CPSF6: variants seen among roughly 807,000 people sequenced by gnomAD.
CPSF6 encodes cleavage and polyadenylation specific factor 6.
CPSF6 carries 10 observed loss-of-function variants against 56.7 expected under a neutral mutation model. That is an observed-to-expected ratio of 0.18 (90% CI 0.11 to 0.30). The LOEUF is 0.30. CPSF6 is among the 10% of genes least tolerant of loss of function. The probability of loss-of-function intolerance (pLI) is 1.00; values close to 1 mark genes in which losing one functional copy is unlikely to be tolerated. For missense variants in CPSF6, 419 were observed against 722.9 expected, an observed-to-expected ratio of 0.58 and a Z score of 4.82; for synonymous variants, 248 against 244.8, an observed-to-expected ratio of 1.01 and a Z score of -0.12.
At chr12:69,249,142 C>T (rs1297277045) in intron 1 of CPSF6, among the ~76,000 whole-genome samples, 1 of 22,420 alleles carries the variant, frequency 4.5e-5, no homozygotes, top group Non-Finnish European at 9.3e-5. Flanking sequence ...CGCCTGTAGT[C>T]CCAGCTACTC....
At chr12:69,266,957 T>G (rs950848170) in intron 9 of CPSF6, among the ~76,000 whole-genome samples, 1 of 152,118 alleles carries the variant, frequency 6.6e-6, no homozygotes, top group Non-Finnish European at 1.5e-5. Context: ...ATTGTTTTTA[T>G]GTAATATGTT....
chr12:69,241,959 G>C (rs1183470892), intron 1 of CPSF6, among the ~76,000 whole-genome samples: 1 of 151,036 alleles, frequency 6.6e-6, no homozygotes, highest in Non-Finnish European at 1.5e-5. Flanking sequence ...AGGATAGTTG[G>C]TTATTTTCAG....
intron 1 of CPSF6, among the ~76,000 whole-genome samples, chr12:69,245,906 C>T (rs761447782): frequency 2.6e-5 from 4 of 152,022 alleles, no homozygotes; most frequent in African/African-American, 4.8e-5. Flanking sequence ...GCCAACATGG[C>T]GAAACCCCTG....
intron 1 of CPSF6, among the ~76,000 whole-genome samples, chr12:69,240,206 T>G (rs1422249191): frequency 1.3e-5 from 2 of 152,230 alleles, no homozygotes; most frequent in Admixed American, 6.5e-5. Flanking sequence ...TTTGTCTCCC[T>G]GCCCGCGCAC....
chr12:69,266,027 G>GGA (rs1872964941), intron 9 of CPSF6, among the ~76,000 whole-genome samples: 1 of 132,762 alleles, frequency 7.5e-6, no homozygotes, highest in African/African-American at 2.7e-5. Context: ...TGTTAATTTT[G>GGA]AAAAAAAAAA....
Position 69,257,904 on chromosome 12 carries a change from A to G in CPSF6, c.693A>G (p.Pro231=), listed in dbSNP as rs1872578942. ...AGPGGPPPPF[P]AGQTPPRPPL... Reference sequence around the variant, plus strand: ...CAGGAGGGCCACCCCCACCTTTTCCAGGTAAAACTTTTCTTAAATTACCAT... The same window carrying G: ...CAGGAGGGCCACCCCCACCTTTTCCGGGTAAAACTTTTCTTAAATTACCAT... The change falls in exon 5 of 10, where the codon CCA becomes CCG. Residue 231 remains proline (P), a splice_region_variant and synonymous_variant. Transcript: ENST00000435070. The G allele has an allele frequency of 6.3e-7, 1 of 1,592,056 alleles. No individual in the cohort carries two copies. Among genetic ancestry groups the G allele is most frequent in the Non-Finnish European group, 8.5e-7 (1 of 1,171,944 alleles).
rs994372418 is a variant in CPSF6 at position 69,272,362 on chromosome 12, G to C, written c.*2854G>C. 1.3e-5 allele frequency: 2 copies of C among 151,442 alleles called. No homozygotes were observed. The highest frequency in any genetic ancestry group is 4.8e-5 in the African/African-American group (2 of 41,318). The allele number at this position is 151,442 out of a possible 1,614,324, so 9.4% of individuals were successfully genotyped here. On this transcript the variant is annotated 3_prime_UTR_variant, in exon 10 of 10. Transcript: ENST00000435070. ...TTGCTTTATTTTTTACTAGTTTCAGGTCAGTTATTAAAATAAACATGGAGG... is the reference window on the plus strand; with the variant it reads ...TTGCTTTATTTTTTACTAGTTTCAGCTCAGTTATTAAAATAAACATGGAGG...
intron 9 of CPSF6, among the ~76,000 whole-genome samples, chr12:69,264,966 A>G (rs1036821285): frequency 2.0e-5 from 3 of 152,210 alleles, no homozygotes; most frequent in African/African-American, 7.2e-5. Flanking sequence ...CTGTATACAA[A>G]TAAAATACTA....
chr12:69,251,046 A>G, intron 1 of CPSF6, 83 bp from the exon 2 acceptor site: 2 of 1,371,974 alleles, frequency 1.5e-6, no homozygotes, highest in Non-Finnish European at 2.0e-6. Flanking sequence ...GATTTTTAAA[A>G]CAAAAAGTTG....
chr12:69,239,863 G>A (rs1258638884), intron 1 of CPSF6, among the ~76,000 whole-genome samples, 157 bp downstream of exon 1: 1 of 148,646 alleles, frequency 6.7e-6, no homozygotes, highest in East Asian at 2.0e-4. Flanking sequence ...GCGCCCCCCC[G>A]CCCCTCGTTC....
In CPSF6 at chr12:69,274,086, A is replaced by G. The variant is rs1873388294; in HGVS notation, c.*4578A>G. 6.7e-6 allele frequency: 1 copy of G among 149,092 alleles called. No individual in the cohort carries two copies. The highest frequency in any genetic ancestry group is 1.5e-5 in the Non-Finnish European group (1 of 67,388). The allele number at this position is 149,092 out of a possible 1,614,324, so 9.2% of individuals were successfully genotyped here. A position where few individuals can be genotyped will look rare whatever the true frequency, so the allele number is the denominator to read the frequency against. On this transcript the variant is annotated 3_prime_UTR_variant, in exon 10 of 10. Coordinates refer to ENST00000435070, the MANE Select transcript of CPSF6 (RefSeq NM_007007.3). ...CAATAAGATTTCTGTGCAAAAAGGT[A>G]AGGTGATAATTGATCTAATAGACTT...
At chr12:69,266,953 T>C (rs1026459401) in intron 9 of CPSF6, among the ~76,000 whole-genome samples, 7 of 152,100 alleles carry the variant, frequency 4.6e-5, no homozygotes, top group African/African-American at 1.7e-4. Flanking sequence ...TAGAATTGTT[T>C]TTATGTAATA....
chr12:69,271,899 C>T lies in CPSF6; in HGVS notation c.*2391C>T, dbSNP rs183694183. 1 of 151,786 alleles carries T rather than the reference C, an allele frequency of 6.6e-6. No homozygotes were observed. Among genetic ancestry groups the T allele is most frequent in the East Asian group, 1.9e-4 (1 of 5,190 alleles). The allele number at this position is 151,786 out of a possible 1,614,324, so 9.4% of individuals were successfully genotyped here. On this transcript the variant is annotated 3_prime_UTR_variant, in exon 10 of 10. Coordinates refer to ENST00000435070, the MANE Select transcript of CPSF6 (RefSeq NM_007007.3). ...CTTGCATAGACACCAAAAACAGTGT[C>T]TCAGAGACCTTTTCATTTTTTCCTT... is the stretch of plus-strand genomic sequence containing the variant.
chr12:69,252,148 C>T (rs1379885952), intron 2 of CPSF6: 2 of 451,874 alleles, frequency 4.4e-6, no homozygotes, highest in African/African-American at 2.0e-5. Context: ...AATCATAGCT[C>T]ACTGAAGCCT....
chr12:69,259,624 G>T (rs985012384), intron 7 of CPSF6, 81 bp downstream of exon 7: 2 of 1,164,234 alleles, frequency 1.7e-6, no homozygotes, highest in Middle Eastern at 2.0e-4. Flanking sequence ...CTAGAAGATA[G>T]GTCATTTACA....
At position 69,266,343 on chromosome 12, in the gene CPSF6, A is replaced by G. The variant is rs142063200; in HGVS notation, c.*4-3169A>G. 4.5e-3 allele frequency among the ~76,000 whole-genome samples: 689 copies of G among 152,258 alleles called. 9 individuals carry two copies. The highest frequency in any genetic ancestry group is 4.7e-3 in the Non-Finnish European group (320 of 68,022). On this transcript the variant is annotated intron_variant, in intron 9 of 9. Transcript: ENST00000435070. ...GAGTATTCACAAAACCTGTCTCACT[A>G]CACAGCTGACTTAATTGAAGTTACA... is the stretch of plus-strand genomic sequence containing the variant.
chr12:69,247,877 A>G (rs1445613181), intron 1 of CPSF6, among the ~76,000 whole-genome samples: 1 of 152,224 alleles, frequency 6.6e-6, no homozygotes, highest in Non-Finnish European at 1.5e-5. Context: ...ATTCAGATTC[A>G]TTATGTTTTT....
At chr12:69,266,347 A>G (rs1016280272) in intron 9 of CPSF6, among the ~76,000 whole-genome samples, 4 of 152,166 alleles carry the variant, frequency 2.6e-5, no homozygotes, top group African/African-American at 4.8e-5. Context: ...CTCACTACAC[A>G]GCTGACTTAA....
chr12:69,266,183 C>T (rs1592812226), intron 9 of CPSF6, among the ~76,000 whole-genome samples: 1 of 151,882 alleles, frequency 6.6e-6, no homozygotes, highest in South Asian at 2.1e-4. Context: ...AAAATTGTTT[C>T]TGCAGCTCTT....
Sources: allele counts gnomAD v4.1 joint callset (sites outside exome capture counted in the v4.1 genomes callset), GRCh38; gene constraint gnomAD v4.1.1; transcripts MANE v1.5; gene names NCBI Gene and HGNC (gene_info 2026-07-23, HGNC 2026-07-21).